The following TLE5 variants were observed in gnomAD, a reference collection of about 807,000 sequenced individuals.
TLE5 encodes TLE family member 5, transcriptional modulator, also known as TLE family member 5.
Under a neutral mutation model 25.8 loss-of-function variants are expected in TLE5, and 7 were observed. The observed-to-expected ratio is 0.27, with a 90% CI of 0.15 to 0.51. The LOEUF (loss-of-function observed/expected upper bound fraction) is 0.51, where lower values mean the gene tolerates loss of function less well. Among genes scored for constraint, TLE5 ranks in the 20% least tolerant of loss-of-function variants. The probability of loss-of-function intolerance (pLI) is 0.97; values close to 1 mark genes in which losing one functional copy is unlikely to be tolerated. For synonymous variants in TLE5, 132 were observed against 110.5 expected (o/e 1.20, Z -1.22); for missense variants, 149 against 250.7 (o/e 0.59, Z 2.74).
chr19:3,056,080 C>T (rs1319450013), intron 4 of TLE5: 1 of 534,314 alleles, frequency 1.9e-6, no homozygotes, highest in Non-Finnish European at 3.3e-6. Context: ...GGTCTCTGCC[C>T]CTCCCCACCA....
intron 1 of TLE5, among the ~76,000 whole-genome samples, chr19:3,061,812 G>A (rs538725322): frequency 6.6e-6 from 1 of 150,746 alleles, no homozygotes; most frequent in South Asian, 2.1e-4. Flanking sequence ...CGGGCTAGAG[G>A]TGCCTCGCGG....
At chr19:3,057,826 T>C in intron 2 of TLE5, 84 bp from the exon 3 acceptor site, 1 of 1,320,680 alleles carries the variant, frequency 7.6e-7, no homozygotes, top group Non-Finnish European at 1.1e-6. Context: ...GGGAGGAAAC[T>C]GAGGCTCCAA....
At chr19:3,055,810 C>T in intron 4 of TLE5, 84 bp from the exon 5 acceptor site, 1 of 1,411,032 alleles carries the variant, frequency 7.1e-7, no homozygotes, top group African/African-American at 1.4e-5. Flanking sequence ...CGGGGCCCGG[C>T]CCAGCCCTGC....
intron 2 of TLE5, among the ~76,000 whole-genome samples, chr19:3,058,710 C>T (rs1358927039): frequency 6.6e-6 from 1 of 152,156 alleles, no homozygotes; most frequent in Admixed American, 6.5e-5. Context: ...CCCATGAGGG[C>T]GTCATGGCCG....
chr19:3,057,629 G>T, intron 3 of TLE5, 50 bp downstream of exon 3: 1 of 1,569,628 alleles, frequency 6.4e-7, no homozygotes, highest in Non-Finnish European at 8.8e-7. Context: ...GGATGTGGAG[G>T]GCCCTGTCGC....
Position 3,053,882 on chromosome 19 carries a change from C to T in TLE5, c.531G>A (p.Lys177=), listed in dbSNP as rs1376097038. ...CACCATCGTGCCCGTTCTTGTCTTC[C>T]TTGGAGAGGTGGGCCTGGGAACCCA... ...SALGSQAHLS[K]EDKNGHDGDT... Residue 177 remains lysine (K), a synonymous_variant, in exon 7 of 7, where the codon AAG becomes AAA. Coordinates refer to ENST00000327141, the MANE Select transcript of TLE5 (RefSeq NM_001130.6). 1.2e-6 allele frequency: 2 copies of T among 1,613,212 alleles called. No individual in the cohort carries two copies. Among genetic ancestry groups the T allele is most frequent in the Admixed American group, 1.7e-5 (1 of 60,012 alleles).
rs985095438 is a variant in TLE5, at chr19:3,055,874, C to T, written c.235-148G>A. ...CTGGCCAGGGTGGGATGAGCAAAGC[C>T]GTGTTCGGGCCCGAGGGCAGCCAGT... On this transcript the variant is annotated intron_variant, in intron 4 of 6. Coordinates refer to ENST00000327141, the MANE Select transcript of TLE5 (RefSeq NM_001130.6). 109 of 802,532 alleles carry T rather than the reference C, an allele frequency of 1.4e-4. 1 individual carries two copies. The South Asian group carries it at 1.5e-3, about 11-fold the overall frequency. The allele number at this position is 802,532 out of a possible 1,614,324, so 49.7% of individuals were successfully genotyped here.
chr19:3,062,397 C>G lies in TLE5; in HGVS notation c.-197G>C. ...CGGCCCCGGCGCGCCCCGGGCCCCGCTTCCTGCGCGCCCGGCGCCCCTCCC... is the reference window on the plus strand; with the variant it reads ...CGGCCCCGGCGCGCCCCGGGCCCCGGTTCCTGCGCGCCCGGCGCCCCTCCC... On this transcript the variant is annotated 5_prime_UTR_variant, in exon 1 of 7. Coordinates refer to ENST00000327141, the MANE Select transcript of TLE5 (RefSeq NM_001130.6). 3 of 922,592 alleles carry G rather than the reference C, an allele frequency of 3.3e-6. No homozygotes were observed. Among genetic ancestry groups the G allele is most frequent in the Non-Finnish European group, 3.9e-6 (3 of 776,488 alleles). The allele number at this position is 922,592 out of a possible 1,614,324, so 57.2% of individuals were successfully genotyped here. A position where few individuals can be genotyped will look rare whatever the true frequency, so the allele number is the denominator to read the frequency against.
Position 3,053,604 on chromosome 19 carries a change from C to T in TLE5, c.*215G>A, listed in dbSNP as rs751059547. ...CAGGGCAGGTATCCACCTAACCAGG[C>T]TGCAGGGGAGGAGGAGGGAAGCCGG... On this transcript the variant is annotated 3_prime_UTR_variant, in exon 7 of 7. Transcript: ENST00000327141. 1.4e-4 allele frequency: 82 copies of T among 606,346 alleles called. No homozygotes were observed. Among genetic ancestry groups the T allele is most frequent in the Non-Finnish European group, 2.0e-4 (70 of 344,428 alleles). The allele number at this position is 606,346 out of a possible 1,614,324, so 37.6% of individuals were successfully genotyped here. A position where few individuals can be genotyped will look rare whatever the true frequency, so the allele number is the denominator to read the frequency against.
At chr19:3,054,515 A>C in intron 5 of TLE5, 2 of 478,996 alleles carry the variant, frequency 4.2e-6, no homozygotes, top group Non-Finnish European at 7.6e-6. Context: ...TCCTATGTGC[A>C]CAGCCACCTG....
chr19:3,059,622 C>G (rs1416022659), intron 2 of TLE5, among the ~76,000 whole-genome samples: 1 of 152,208 alleles, frequency 6.6e-6, no homozygotes, highest in Non-Finnish European at 1.5e-5. Context: ...GCTGTTACGC[C>G]TCGAACATCC....
intron 3 of TLE5, 39 bp downstream of exon 3, chr19:3,057,640 C>T (rs1246884692): frequency 1.2e-6 from 2 of 1,604,156 alleles, no homozygotes; most frequent in Non-Finnish European, 1.7e-6. Flanking sequence ...GCCCTGTCGC[C>T]CGCCCCCAAC....
rs568909948 is a variant in TLE5, at chr19:3,056,373, G to C, written c.190-17C>G. 40 of 1,077,610 alleles carry C rather than the reference G, an allele frequency of 3.7e-5. No individual in the cohort carries two copies. The East Asian group carries it at 1.2e-3, about 33-fold the overall frequency. The allele number at this position is 1,077,610 out of a possible 1,614,324, so 66.8% of individuals were successfully genotyped here. A position where few individuals can be genotyped will look rare whatever the true frequency, so the allele number is the denominator to read the frequency against. ...CTCGTAGTACTGTATGGGGGAGAGA[G>C]AGGGGGAGCGGGAGATGGGGGTGGG... On this transcript the variant is annotated splice_polypyrimidine_tract_variant and intron_variant, in intron 3 of 6. Transcript: ENST00000327141.
chr19:3,061,888 G>GA (rs1555697644), intron 1 of TLE5, among the ~76,000 whole-genome samples: 3 of 25,868 alleles, frequency 1.2e-4, no homozygotes, highest in Non-Finnish European at 3.5e-4. Context: ...CGGCGGGTTG[G>GA]GGGGGGGGGG....
intron 2 of TLE5, 43 bp from the exon 3 acceptor site, chr19:3,057,785 G>A (rs756676525): frequency 2.5e-6 from 4 of 1,591,690 alleles, no homozygotes; most frequent in Admixed American, 3.4e-5. Flanking sequence ...AGTGGCGGCT[G>A]GGCGGGAGCC....
chr19:3,059,204 C>T (rs1168440835), intron 2 of TLE5, among the ~76,000 whole-genome samples: 1 of 152,006 alleles, frequency 6.6e-6, no homozygotes, highest in African/African-American at 2.4e-5. Context: ...TTTGTTGCTA[C>T]CATTAAAAAC....
upstream of TLE5, chr19:3,062,783 TGGCACGACCTGGACGCGTGC>T: frequency 6.5e-7 from 1 of 1,549,528 alleles, no homozygotes; most frequent in East Asian, 2.5e-5. Context: ...GGCCCTGCTG[TGGCACGACCTGGACGCGTGC>T]CACGGACGTG....
In TLE5 at chr19:3,053,658, G is replaced by T; in HGVS notation, c.*161C>A. ...TGGGGTAGGAAGAAAGCTAGAGGTGGCCTGCAAGCTGGGCTGGGGCCCCCG... is the reference window on the plus strand; with the variant it reads ...TGGGGTAGGAAGAAAGCTAGAGGTGTCCTGCAAGCTGGGCTGGGGCCCCCG... On this transcript the variant is annotated 3_prime_UTR_variant, in exon 7 of 7. Coordinates refer to ENST00000327141, the MANE Select transcript of TLE5 (RefSeq NM_001130.6). 2 of 708,098 alleles carry T rather than the reference G, an allele frequency of 2.8e-6. No individual in the cohort carries two copies. The highest frequency in any genetic ancestry group is 4.6e-6 in the Non-Finnish European group (2 of 433,188). 43.9% of individuals were successfully genotyped at this position (708,098 alleles called of 1,614,324 possible).
intron 1 of TLE5, among the ~76,000 whole-genome samples, chr19:3,061,919 C>CG (rs1482872683): frequency 2.4e-5 from 1 of 42,138 alleles, no homozygotes; most frequent in Non-Finnish European, 4.5e-5. Flanking sequence ...GGAGCTGCGG[C>CG]GGGGGGGCTC....
Sources: gnomAD v4.1 joint callset for allele counts (sites outside exome capture counted in the v4.1 genomes callset) on GRCh38, gnomAD v4.1.1 for gene constraint, MANE v1.5 for transcripts, NCBI Gene and HGNC (gene_info 2026-07-23, HGNC 2026-07-21) for gene names.